The following SCN2A variants were observed in gnomAD, a reference collection of about 807,000 sequenced individuals.
SCN2A encodes the protein sodium voltage-gated channel alpha subunit 2, also known as sodium channel protein type 2 subunit alpha.
Under a neutral mutation model 188.7 loss-of-function variants are expected in SCN2A, and 20 were observed. The observed-to-expected ratio is 0.11, with a 90% CI of 0.07 to 0.15. The LOEUF (loss-of-function observed/expected upper bound fraction) is 0.15. Among genes scored for constraint, SCN2A ranks in the 10% least tolerant of loss-of-function variants. SCN2A has a pLI of 1.00. For synonymous variants in SCN2A, 804 were observed against 833.1 expected (o/e 0.97, Z 0.60); for missense variants, 1,278 against 2,445.0 (o/e 0.52, Z 10.07).
chr2:165,242,365 C>T lies in SCN2A; in HGVS notation c.-52+2725C>T, dbSNP rs969947821. 3.3e-5 allele frequency among the ~76,000 whole-genome samples: 5 copies of T among 151,866 alleles called. No homozygotes were observed. The South Asian group carries it at 6.2e-4, about 19-fold the overall frequency. On this transcript the variant is annotated intron_variant, in intron 1 of 26. Coordinates refer to ENST00000375437, the MANE Select transcript of SCN2A (RefSeq NM_001040142.2). ...GTGTGAAAATAATGTGAGAAGTTGA[C>T]GGAATAACAATATCATAGGAGGCCA... is the stretch of plus-strand genomic sequence containing the variant.
chr2:165,378,990 G>A (rs979188505), intron 23 of SCN2A, among the ~76,000 whole-genome samples: 2 of 151,710 alleles, frequency 1.3e-5, no homozygotes, highest in Middle Eastern at 3.4e-3. Context: ...AAGAACACTC[G>A]TACAATGCTG....
chr2:165,276,083 C>A (rs1695329713), intron 1 of SCN2A, among the ~76,000 whole-genome samples: 1 of 152,080 alleles, frequency 6.6e-6, no homozygotes, highest in Non-Finnish European at 1.5e-5. Context: ...GACCAAAGAA[C>A]CACAGCTAGA....
chr2:165,288,170 G>A (rs1369253259), intron 1 of SCN2A, among the ~76,000 whole-genome samples: 1 of 152,154 alleles, frequency 6.6e-6, no homozygotes, highest in Non-Finnish European at 1.5e-5. Context: ...GTCCTAAAAT[G>A]TGTGTAAAAA....
rs550322906 is a variant in SCN2A at position 165,390,435 on chromosome 2, G to A, written c.*611G>A. On this transcript the variant is annotated 3_prime_UTR_variant, in exon 27 of 27. Transcript: ENST00000375437. Reference sequence around the variant, plus strand: ...AAAAATCACATCACAAAAGGGAAGAGTTTACTTCTTGTTTCAGGATGTTTT... The same window carrying A: ...AAAAATCACATCACAAAAGGGAAGAATTTACTTCTTGTTTCAGGATGTTTT... The A allele has an allele frequency of 6.6e-6, 1 of 152,604 alleles. No homozygotes were observed. The highest frequency in any genetic ancestry group is 1.9e-4 in the East Asian group (1 of 5,186). The allele number at this position is 152,604 out of a possible 1,614,324, so 9.5% of individuals were successfully genotyped here.
At chr2:165,294,783 T>C (rs1227695917) in intron 1 of SCN2A, among the ~76,000 whole-genome samples, 6 of 152,218 alleles carry the variant, frequency 3.9e-5, no homozygotes, top group Non-Finnish European at 4.4e-5. Context: ...TCTACTTTAG[T>C]CTGGTGAAAT....
chr2:165,316,552 A>T (rs993745396), intron 11 of SCN2A, among the ~76,000 whole-genome samples: 1 of 152,230 alleles, frequency 6.6e-6, no homozygotes. Context: ...ATACCTATAC[A>T]GTAACAATAA....
chr2:165,239,576 GGA>G lies in SCN2A; in HGVS notation c.-113_-112del, dbSNP rs1247285637. ...AGTAAAAATTCTGAAGAATTGCATT[GGA>G]GACTGTTATATTCAACACATACGTG... On this transcript the variant is annotated 5_prime_UTR_variant, in exon 1 of 27. Coordinates refer to ENST00000375437, the MANE Select transcript of SCN2A (RefSeq NM_001040142.2). The G allele has an allele frequency of 1.0e-6, 1 of 962,118 alleles. No homozygotes were observed. Among genetic ancestry groups the G allele is most frequent in the South Asian group, 4.8e-5 (1 of 20,786 alleles). The allele number at this position is 962,118 out of a possible 1,614,324, so 59.6% of individuals were successfully genotyped here.
intron 23 of SCN2A, among the ~76,000 whole-genome samples, chr2:165,379,353 C>T (rs1049110624): frequency 5.3e-5 from 8 of 151,446 alleles, no homozygotes; most frequent in Non-Finnish European, 8.9e-5. Context: ...ATATAAAGTT[C>T]GAAATTGACA....
intron 14 of SCN2A, among the ~76,000 whole-genome samples, chr2:165,339,782 A>G (rs979721347): frequency 6.6e-6 from 1 of 152,176 alleles, no homozygotes; most frequent in African/African-American, 2.4e-5. Context: ...AATGTCACAG[A>G]TTTTCTTTGT....
At chr2:165,381,879 C>G (rs1345161973) in intron 25 of SCN2A, among the ~76,000 whole-genome samples, 1 of 151,940 alleles carries the variant, frequency 6.6e-6, no homozygotes, top group Non-Finnish European at 1.5e-5. Context: ...TATATTAAGT[C>G]TCAGAAAATC....
chr2:165,351,872 T>TTG (rs1171806570), intron 16 of SCN2A, among the ~76,000 whole-genome samples: 5 of 79,606 alleles, frequency 6.3e-5, no homozygotes, highest in Non-Finnish European at 1.4e-4. Context: ...GCTGTGCTTG[T>TTG]TTTTTTTTTT....
chr2:165,286,316 T>C (rs1478690997), intron 1 of SCN2A, among the ~76,000 whole-genome samples: 1 of 152,172 alleles, frequency 6.6e-6, no homozygotes, highest in Admixed American at 6.5e-5. Context: ...CATGTGCATG[T>C]AGGTAACATT....
intron 1 of SCN2A, among the ~76,000 whole-genome samples, chr2:165,250,109 A>G (rs1388483508): frequency 1.3e-5 from 2 of 152,068 alleles, no homozygotes; most frequent in Non-Finnish European, 2.9e-5. Flanking sequence ...GACCTGGGTC[A>G]TCTGTCATAT....
intron 13 of SCN2A, among the ~76,000 whole-genome samples, chr2:165,330,333 T>C (rs1698610401): frequency 6.6e-6 from 1 of 152,180 alleles, no homozygotes; most frequent in South Asian, 2.1e-4. Context: ...TTTCCACTCA[T>C]AAGTTGATGA....
Position 165,389,496 on chromosome 2 carries a change from C to G in SCN2A, c.5690C>G (p.Thr1897Arg), listed in dbSNP as rs1310973051. 6.2e-7 allele frequency: 1 copy of G among 1,613,790 alleles called. No individual in the cohort carries two copies. Among genetic ancestry groups the G allele is most frequent in the East Asian group, 2.2e-5 (1 of 44,862 alleles). Residue 1897 changes from threonine (T) to arginine (R), a missense_variant, in exon 27 of 27, where the codon ACG (threonine) becomes AGG (arginine). By Grantham distance (71) the Thr-to-Arg change is moderately conservative. Around this residue, in one of 17 missense-constraint regions of SCN2A, gnomAD observed 109 missense variants for 137.9 expected, o/e 0.79. Coordinates refer to ENST00000375437, the MANE Select transcript of SCN2A (RefSeq NM_001040142.2). This position sits in a 1 kb window ranked among gnomAD's most constrained non-coding sequence, Gnocchi z 4.2. The stretch of plus-strand genomic sequence containing the variant: ...TCCAAAGTCTCTTATGAGCCCATTA[C>G]GACCACGTTGAAACGCAAACAAGAG... ...NPSKVSYEPI[T>R]TTLKRKQEEV... is the part of the protein sequence containing the mutation.
intron 11 of SCN2A, among the ~76,000 whole-genome samples, chr2:165,319,954 A>G (rs1485248564): frequency 2.0e-5 from 3 of 152,106 alleles, no homozygotes; most frequent in Non-Finnish European, 4.4e-5. Context: ...CAGTCCCCCA[A>G]AGTCTTAACT....
intron 1 of SCN2A, among the ~76,000 whole-genome samples, chr2:165,295,388 G>T (rs929264985): frequency 6.6e-6 from 1 of 152,168 alleles, no homozygotes; most frequent in Non-Finnish European, 1.5e-5. Context: ...CTCTTGTTTT[G>T]GATCTCTGCT....
intron 1 of SCN2A, chr2:165,266,626 C>T (rs951781644): frequency 2.0e-5 from 3 of 152,102 alleles, no homozygotes; most frequent in Non-Finnish European, 4.4e-5. Flanking sequence ...TTCTTACTCT[C>T]ATTATTTCTG....
At chr2:165,353,565 G>A (rs1334718697) in intron 16 of SCN2A, among the ~76,000 whole-genome samples, 1 of 152,128 alleles carries the variant, frequency 6.6e-6, no homozygotes, top group East Asian at 1.9e-4. Context: ...GTTCTGCAGT[G>A]AGCTTGGTGC....
Sources: allele counts gnomAD v4.1 joint callset (sites outside exome capture counted in the v4.1 genomes callset), GRCh38; gene constraint gnomAD v4.1.1; regional missense constraint gnomAD v4.1.1; non-coding constraint Gnocchi (gnomAD v3.1); transcripts MANE v1.5; gene names NCBI Gene and HGNC (gene_info 2026-07-23, HGNC 2026-07-21).